The following TBC1D17 variants were observed in gnomAD, a reference collection of about 807,000 sequenced individuals.
TBC1D17 encodes the protein TBC1 domain family, member 17.
Under a neutral mutation model 78.8 loss-of-function variants are expected in TBC1D17, and 69 were observed. That is an observed-to-expected ratio of 0.88 (90% CI 0.72 to 1.07). The LOEUF (loss-of-function observed/expected upper bound fraction) is 1.07. TBC1D17 is among the 50% of genes least tolerant of loss of function. The pLI is 0.00. For missense variants in TBC1D17, 957 were observed against 861.0 expected, an observed-to-expected ratio of 1.11 and a Z score of -1.39; for synonymous variants, 456 against 358.3, an observed-to-expected ratio of 1.27 and a Z score of -3.08.
At chr19:49,881,703 C>T (rs547418713) in intron 5 of TBC1D17, among the ~76,000 whole-genome samples, 12 of 152,342 alleles carry the variant, frequency 7.9e-5, no homozygotes, top group Non-Finnish European at 2.9e-5. Flanking sequence ...GTTCGTTATT[C>T]TCTGGGGCCC....
intron 4 of TBC1D17, 121 bp downstream of exon 4, chr19:49,880,523 C>T: frequency 7.6e-7 from 1 of 1,314,878 alleles, no homozygotes; most frequent in South Asian, 1.5e-5. Context: ...CAGTCACCAC[C>T]TTCCAGTCCC....
Position 49,882,151 on chromosome 19 carries a change from C to G in TBC1D17, c.638C>G (p.Ser213Ter), listed in dbSNP as rs150427628. ...LFDQDSSNVV[S>*]RFLQDPYSTT... The stretch of plus-strand genomic sequence containing the variant: ...GACCAGGACAGCTCCAATGTGGTGT[C>G]AGTGAGTGTCCCCAGCAGGAGGCCT... Residue 213 changes from serine to a stop codon, truncating the protein, a stop_gained and splice_region_variant, in exon 6 of 17, where the codon TCA (serine) becomes TGA (stop). Transcript: ENST00000221543. LOFTEE classifies it high-confidence loss of function. 1.0e-4 allele frequency: 161 copies of G among 1,614,088 alleles called. 1 individual carries two copies. The highest frequency in any genetic ancestry group is 2.5e-4 in the South Asian group (23 of 91,088).
Position 49,881,413 on chromosome 19 carries a change from C to T in TBC1D17, c.465C>T (p.His155=). Residue 155 remains histidine, a synonymous_variant, in exon 5 of 17, where the codon CAC becomes CAT. Transcript: ENST00000221543. The part of the protein sequence containing the change: ...TQAGGSLPAL[H]FHRGGTRALL... ...CTGGAGGTTCCCTGCCCGCACTGCA[C>T]TTCCACCGCGGGGGCACCCGCGCCC... 1 of 1,612,866 alleles carries T rather than the reference C, an allele frequency of 6.2e-7. No homozygotes were observed.
intron 13 of TBC1D17, among the ~76,000 whole-genome samples, chr19:49,886,314 C>A (rs762357570): frequency 6.6e-6 from 1 of 152,098 alleles, no homozygotes; most frequent in Non-Finnish European, 1.5e-5. Flanking sequence ...TTCTTGAGTG[C>A]AGATGGTGAT....
chr19:49,883,665 G>T lies in TBC1D17; in HGVS notation c.1046G>T (p.Arg349Leu), dbSNP rs749223360. ...HIRKKTDEYF[R>L]MKLQWKSVSP... is the part of the protein sequence containing the mutation. Reference sequence around the variant, plus strand: ...CTGTCACTCAGGGATGAGTATTTCCGCATGAAGCTGCAGTGGAAATCTGTG... The same window carrying T: ...CTGTCACTCAGGGATGAGTATTTCCTCATGAAGCTGCAGTGGAAATCTGTG... Residue 349 changes from arginine to leucine, a missense_variant, in exon 10 of 17, where the codon CGC (arginine) becomes CTC (leucine). By Grantham distance (102) the Arg-to-Leu change is moderately radical. Coordinates refer to ENST00000221543, the MANE Select transcript of TBC1D17 (RefSeq NM_024682.3). 8.7e-6 allele frequency: 14 copies of T among 1,613,754 alleles called. No individual in the cohort carries two copies. Among genetic ancestry groups the T allele is most frequent in the South Asian group, 3.3e-5 (3 of 91,086 alleles).
chr19:49,888,097 C>G, intron 15 of TBC1D17, 134 bp from the exon 16 acceptor site: 1 of 1,398,138 alleles, frequency 7.2e-7, no homozygotes, highest in Non-Finnish European at 9.8e-7. Flanking sequence ...AAGCATGTCT[C>G]GCCCAGCGCA....
Position 49,884,724 on chromosome 19 carries a change from G to C in TBC1D17, c.1410G>C (p.Leu470=), listed in dbSNP as rs767617000. The part of the protein sequence containing the change: ...KRQLGRLLLL[L]RVLDPLLCDF... ...AACTCGGGCGACTGCTGCTGCTCCTGAGGGTGCTGGACCCCCTGCTCTGCG... is the reference window on the plus strand; with the variant it reads ...AACTCGGGCGACTGCTGCTGCTCCTCAGGGTGCTGGACCCCCTGCTCTGCG... The change falls in exon 13 of 17, where the codon CTG becomes CTC. Residue 470 remains leucine (L), a synonymous_variant. Coordinates refer to ENST00000221543, the MANE Select transcript of TBC1D17 (RefSeq NM_024682.3). 5.0e-6 allele frequency: 8 copies of C among 1,614,092 alleles called. No individual in the cohort carries two copies. The highest frequency in any genetic ancestry group is 1.6e-4 in the Middle Eastern group (1 of 6,062).
At chr19:49,883,230 C>T (rs1229437870) in intron 9 of TBC1D17, among the ~76,000 whole-genome samples, 154 bp downstream of exon 9, 1 of 152,232 alleles carries the variant, frequency 6.6e-6, no homozygotes, top group Non-Finnish European at 1.5e-5. Flanking sequence ...CCAGACCCAT[C>T]CTCACCCCTG....
At position 49,884,902 on chromosome 19, in the gene TBC1D17, A is replaced by G. The variant is rs1054397261; in HGVS notation, c.1444+144A>G. ...CCCACACAACCTAGAATGTAGAGGC[A>G]GAATTGCTGTTTGAAGCAAAACTTC... is the stretch of plus-strand genomic sequence containing the variant. On this transcript the variant is annotated intron_variant, in intron 13 of 16. Transcript: ENST00000221543. 1.5e-5 allele frequency: 11 copies of G among 744,480 alleles called. No individual in the cohort carries two copies. The African/African-American group carries it at 1.6e-4, about 11-fold the overall frequency. 46.1% of individuals were successfully genotyped at this position (744,480 alleles called of 1,614,324 possible). A position where few individuals can be genotyped will look rare whatever the true frequency, so the allele number is the denominator to read the frequency against.
At chr19:49,880,154 G>T (rs895819115) in intron 3 of TBC1D17, 125 bp from the exon 4 acceptor site, 2 of 1,271,786 alleles carry the variant, frequency 1.6e-6, no homozygotes, top group Non-Finnish European at 2.2e-6. Flanking sequence ...CACCGCACCC[G>T]GCCTGCTGTA....
At chr19:49,877,817 AGGCCTTGGCTCTCGAGAATCCGGCAC>A in intron 1 of TBC1D17, 73 bp downstream of exon 1, 2 of 1,506,150 alleles carry the variant, frequency 1.3e-6, no homozygotes, top group South Asian at 2.4e-5. Context: ...CTCTTCTCTC[AGGCCTTGGCTCTCGAGAATCCGGCAC>A]GGCCTTGGCA....
chr19:49,883,142 C>A, intron 9 of TBC1D17, 66 bp downstream of exon 9: 2 of 1,447,242 alleles, frequency 1.4e-6, no homozygotes, highest in South Asian at 1.3e-5. Context: ...CACCAATGGG[C>A]AAGTTCTGTG....
At chr19:49,887,438 G>A in intron 13 of TBC1D17, 38 bp from the exon 14 acceptor site, 1 of 1,596,210 alleles carries the variant, frequency 6.3e-7, no homozygotes, top group South Asian at 1.1e-5. Flanking sequence ...CAGTCCCAGC[G>A]CTGGGCAAGG....
intron 14 of TBC1D17, 43 bp downstream of exon 14, chr19:49,887,616 C>T (rs1342158291): frequency 1.2e-6 from 2 of 1,611,696 alleles, no homozygotes; most frequent in Non-Finnish European, 1.7e-6. Flanking sequence ...GGGGTGGGCT[C>T]ACCTGCCCTG....
At chr19:49,878,709 T>C in intron 3 of TBC1D17, 137 bp downstream of exon 3, 1 of 746,054 alleles carries the variant, frequency 1.3e-6, no homozygotes, top group Non-Finnish European at 2.3e-6. Flanking sequence ...TTGGGTACTC[T>C]GCCTCTCCTT....
intron 5 of TBC1D17, among the ~76,000 whole-genome samples, chr19:49,881,780 C>G (rs2075015997): frequency 6.6e-6 from 1 of 152,170 alleles, no homozygotes; most frequent in African/African-American, 2.4e-5. Context: ...CAACAAGATC[C>G]CAGAGCTGCT....
At chr19:49,880,117 C>T (rs940829159) in intron 3 of TBC1D17, among the ~76,000 whole-genome samples, 162 bp from the exon 4 acceptor site, 1 of 152,156 alleles carries the variant, frequency 6.6e-6, no homozygotes, top group Non-Finnish European at 1.5e-5. Context: ...CTCAGCCTCC[C>T]AAAGTGCTGG....
rs751408473 is a variant in TBC1D17, at chr19:49,882,274, C to T, written c.672C>T (p.Phe224=). 5 of 1,612,420 alleles carry T rather than the reference C, an allele frequency of 3.1e-6. No individual in the cohort carries two copies. The highest frequency in any genetic ancestry group is 4.2e-6 in the Non-Finnish European group (5 of 1,180,004). Residue 224 remains phenylalanine, a synonymous_variant, in exon 7 of 17, where the codon TTC becomes TTT. Coordinates refer to ENST00000221543, the MANE Select transcript of TBC1D17 (RefSeq NM_024682.3). ...RFLQDPYSTT[F]SSFSRVTNFF... Reference sequence around the variant, plus strand: ...TCCAGGATCCCTACTCCACCACCTTCAGCAGCTTCTCCCGAGTGACCAACT... The same window carrying T: ...TCCAGGATCCCTACTCCACCACCTTTAGCAGCTTCTCCCGAGTGACCAACT...
rs150591496 is a variant in TBC1D17, at chr19:49,879,708, T to C, written c.196-571T>C. Among the ~76,000 whole-genome samples the C allele has an allele frequency of 2.9e-3, 439 of 151,718 alleles. 1 individual carries two copies. Among genetic ancestry groups the C allele is most frequent in the Admixed American group, 5.1e-3 (78 of 15,254 alleles). ...TACCTGGTGAGTACAACAGTGTCCA[T>C]TGAGCACTCCGCAGCCTGACTGCAG... On this transcript the variant is annotated intron_variant, in intron 3 of 16. Coordinates refer to ENST00000221543, the MANE Select transcript of TBC1D17 (RefSeq NM_024682.3).
Sources: allele counts gnomAD v4.1 joint callset (sites outside exome capture counted in the v4.1 genomes callset), GRCh38; gene constraint gnomAD v4.1.1; transcripts MANE v1.5; gene names NCBI Gene and HGNC (gene_info 2026-07-23, HGNC 2026-07-21).